The following GHRL variants were observed in gnomAD, a reference collection of about 807,000 sequenced individuals.
The protein encoded by GHRL is ghrelin and obestatin prepropeptide.
GHRL carries 24 observed loss-of-function variants against 16.9 expected under a neutral mutation model. That is an observed-to-expected ratio of 1.42 (90% CI 1.03 to 2.00). The LOEUF (loss-of-function observed/expected upper bound fraction) is 2.00, where lower values mean the gene tolerates loss of function less well. Ranked by LOEUF, GHRL falls within the 30% of genes most tolerant of loss-of-function variation. The pLI, the probability that GHRL is intolerant of heterozygous loss-of-function variation, is 0.00. For missense variants in GHRL, 193 were observed against 142.1 expected, an observed-to-expected ratio of 1.36 and a Z score of -1.82; for synonymous variants, 63 against 58.2, an observed-to-expected ratio of 1.08 and a Z score of -0.37.
rs568932159 is a variant in GHRL, at chr3:10,285,828, A to G, written c.*47T>C. On this transcript the variant is annotated 3_prime_UTR_variant, in exon 6 of 6. Transcript: ENST00000335542. ...GCTGCAGAAGCAAGCGAAAAGCCAG[A>G]TGAGCGCTTCTAAACTTAGAGAGAG... The G allele has an allele frequency of 1.3e-6, 2 of 1,564,480 alleles. No homozygotes were observed. The highest frequency in any genetic ancestry group is 2.2e-5 in the South Asian group (2 of 89,976).
chr3:10,286,602 C>A, intron 5 of GHRL, 102 bp downstream of exon 5: 1 of 648,864 alleles, frequency 1.5e-6, no homozygotes. Flanking sequence ...ATTAGAAGTT[C>A]TTTTGGAGAG....
chr3:10,287,480 G>C (rs1026198597), intron 4 of GHRL: 1 of 153,722 alleles, frequency 6.5e-6, no homozygotes, highest in African/African-American at 2.4e-5. Flanking sequence ...TCAAAGCTTT[G>C]GGTAAGTGGG....
At chr3:10,285,977 G>T in intron 5 of GHRL, 83 bp from the exon 6 acceptor site, 1 of 1,238,472 alleles carries the variant, frequency 8.1e-7, no homozygotes, top group Non-Finnish European at 1.2e-6. Flanking sequence ...ATTGGAGGTG[G>T]GATGTAATGG....
At chr3:10,286,896 TCTC>T in intron 4 of GHRL, 84 bp from the exon 5 acceptor site, 1 of 807,106 alleles carries the variant, frequency 1.2e-6, no homozygotes, top group Non-Finnish European at 2.1e-6. Flanking sequence ...GCTCTCTGCC[TCTC>T]TTCAGGAGTG....
intron 2 of GHRL, chr3:10,290,443 G>A (rs1226925035): frequency 1.1e-5 from 5 of 463,472 alleles, no homozygotes; most frequent in African/African-American, 1.9e-5. Flanking sequence ...GGGGCTGGGG[G>A]TCCTCCCCGG....
chr3:10,285,717 C>T lies in GHRL; in HGVS notation c.*158G>A. The T allele has an allele frequency of 1.7e-6, 1 of 602,122 alleles. No individual in the cohort carries two copies. Among genetic ancestry groups the T allele is most frequent in the South Asian group, 2.4e-5 (1 of 42,128 alleles). The allele number at this position is 602,122 out of a possible 1,614,324, so 37.3% of individuals were successfully genotyped here. ...TTAAAGTAAAATATTAACTTTTCCT[C>T]TTTGAAATAAATTCCCATTTGGAAC... On this transcript the variant is annotated 3_prime_UTR_variant, in exon 6 of 6. Transcript: ENST00000335542.
chr3:10,287,563 G>A (rs992992480), intron 4 of GHRL: 5 of 153,774 alleles, frequency 3.3e-5, no homozygotes, highest in African/African-American at 1.2e-4. Flanking sequence ...GGCTACCTCG[G>A]TGCCTGGCCA....
Position 10,285,955 on chromosome 3 carries a change from C to T in GHRL, c.335-61G>A, listed in dbSNP as rs970334878. The T allele has an allele frequency of 6.7e-6, 10 of 1,485,648 alleles. No individual in the cohort carries two copies. In the African/African-American group the frequency reaches 1.4e-4, roughly 21 times the overall value. The allele number at this position is 1,485,648 out of a possible 1,614,324, so 92.0% of individuals were successfully genotyped here. The stretch of plus-strand genomic sequence containing the variant: ...CACCGTCCTGCTAGTGCTTTTCTTC[C>T]ACGGTGGTGAGATTGGAGGTGGGAT... On this transcript the variant is annotated intron_variant, in intron 5 of 5. Coordinates refer to ENST00000335542, the MANE Select transcript of GHRL (RefSeq NM_016362.5).
At chr3:10,287,143 G>A (rs1699204610) in intron 4 of GHRL, 1 of 184,862 alleles carries the variant, frequency 5.4e-6, no homozygotes, top group Admixed American at 6.0e-5. Flanking sequence ...AAAAGGTTGA[G>A]TCACCAATGG....
In GHRL at chr3:10,289,814, C is replaced by G; in HGVS notation, c.173G>C (p.Arg58Pro). ...LQPRALAGWLRPEDGGQAEGA... is the reference protein window; with the variant it reads ...LQPRALAGWLPPEDGGQAEGA... The stretch of plus-strand genomic sequence containing the variant: ...TTCTGCTTGACCTCCATCTTCCGGG[C>G]GGAGCCAGCCTGCTAGAGCTCGGGG... Residue 58 changes from arginine (R) to proline (P), a missense_variant, in exon 4 of 6, where the codon CGC (arginine) becomes CCC (proline). Coordinates refer to ENST00000335542, the MANE Select transcript of GHRL (RefSeq NM_016362.5). 6.2e-7 allele frequency: 1 copy of G among 1,613,762 alleles called. No individual in the cohort carries two copies. Among genetic ancestry groups the G allele is most frequent in the South Asian group, 1.1e-5 (1 of 91,062 alleles).
At chr3:10,292,267 A>G (rs935992521) in intron 1 of GHRL, 9 of 152,888 alleles carry the variant, frequency 5.9e-5, no homozygotes, top group African/African-American at 2.2e-4. Context: ...CTTGACTCCT[A>G]ATACAGTGCT....
chr3:10,287,040 T>C, intron 4 of GHRL: 1 of 446,942 alleles, frequency 2.2e-6, no homozygotes. Flanking sequence ...TGCACTCTCA[T>C]GCCTCTCAGC....
intron 4 of GHRL, among the ~76,000 whole-genome samples, chr3:10,289,213 C>G (rs1262471154): frequency 2.6e-5 from 4 of 152,218 alleles, no homozygotes; most frequent in African/African-American, 9.6e-5. Context: ...CTTGGGTTGT[C>G]TTAACTTTCT....
chr3:10,290,693 C>T, intron 2 of GHRL, 23 bp downstream of exon 2: 1 of 1,006,794 alleles, frequency 9.9e-7, no homozygotes, highest in Non-Finnish European at 1.2e-6. Context: ...AGCAAACGCA[C>T]ACGGAGAGTA....
Position 10,291,200 on chromosome 3 carries a change from C to A in GHRL, c.-514G>T. On this transcript the variant is annotated 5_prime_UTR_variant, in exon 2 of 6. Coordinates refer to ENST00000335542, the MANE Select transcript of GHRL (RefSeq NM_016362.5). ...TGAGCCCCGGGAGTCCGCAGGGAGC[C>A]AGGCTGGTGATTCTACACCTTCCCG... The A allele has an allele frequency of 1.0e-6, 1 of 985,686 alleles. No homozygotes were observed. The highest frequency in any genetic ancestry group is 4.7e-5 in the South Asian group (1 of 21,292). 61.1% of individuals were successfully genotyped at this position (985,686 alleles called of 1,614,324 possible).
At chr3:10,286,876 G>T in intron 4 of GHRL, 64 bp from the exon 5 acceptor site, 1 of 958,836 alleles carries the variant, frequency 1.0e-6, no homozygotes, top group Non-Finnish European at 1.7e-6. Context: ...CATCTCAAAG[G>T]GGGCTCTGGG....
intron 5 of GHRL, 114 bp from the exon 6 acceptor site, chr3:10,286,008 T>C: frequency 1.1e-6 from 1 of 943,690 alleles, no homozygotes; most frequent in Non-Finnish European, 1.7e-6. Context: ...GGGGAAGCAC[T>C]GGCCTTGGAG....
At position 10,286,716 on chromosome 3, in the gene GHRL, C is replaced by T; in HGVS notation, c.322G>A (p.Glu108Lys). The T allele has an allele frequency of 1.3e-6, 2 of 1,593,760 alleles. No homozygotes were observed. The highest frequency in any genetic ancestry group is 1.7e-6 in the Non-Finnish European group (2 of 1,161,426). Residue 108 changes from glutamate (E) to lysine (K), a missense_variant, in exon 5 of 6, where the codon GAA (glutamate) becomes AAA (lysine). Glu to Lys is a moderately conservative substitution (Grantham distance 56). Transcript: ENST00000335542. ...AGGCAGGACTCACCTTTGGCCTCTT[C>T]CCAGAGGATGTCCTGAAGAAACTTC... Reference protein sequence around the residue: ...LGKFLQDILWEEAKEAPADK With the variant: ...LGKFLQDILWKEAKEAPADK
chr3:10,290,201 C>G lies in GHRL; in HGVS notation c.-21G>C. On this transcript the variant is annotated 5_prime_UTR_variant, in exon 3 of 6. Transcript: ENST00000335542. Reference sequence around the variant, plus strand: ...GGCATGGCCTCAGCTGGGTTGCAGACAGGTGGGCCTGGGGGAGAGAGGGTC... The same window carrying G: ...GGCATGGCCTCAGCTGGGTTGCAGAGAGGTGGGCCTGGGGGAGAGAGGGTC... 1 of 1,601,260 alleles carries G rather than the reference C, an allele frequency of 6.2e-7. No homozygotes were observed. The highest frequency in any genetic ancestry group is 8.5e-7 in the Non-Finnish European group (1 of 1,175,416).
Sources: allele counts gnomAD v4.1 joint callset (sites outside exome capture counted in the v4.1 genomes callset), GRCh38; gene constraint gnomAD v4.1.1; transcripts MANE v1.5; gene names NCBI Gene and HGNC (gene_info 2026-07-23, HGNC 2026-07-21).